PLXNA2: variants seen among roughly 807,000 people sequenced by gnomAD.
PLXNA2 encodes the protein plexin-A2.
PLXNA2 carries 91 observed loss-of-function variants against 193.5 expected under a neutral mutation model. That is an observed-to-expected ratio of 0.47 (90% confidence interval 0.40 to 0.56). PLXNA2 has a LOEUF of 0.56. Among genes scored for constraint, PLXNA2 ranks in the 20% least tolerant of loss-of-function variants. PLXNA2 has a pLI of 0.00. For synonymous variants in PLXNA2, 997 were observed against 1,027.3 expected (o/e 0.97, Z 0.56); for missense variants, 1,995 against 2,503.2 (o/e 0.80, Z 4.33).
At chr1:208,041,943 T>C (rs1047376588) in intron 22 of PLXNA2, among the ~76,000 whole-genome samples, 155 bp downstream of exon 22, 3 of 152,224 alleles carry the variant, frequency 2.0e-5, no homozygotes, top group African/African-American at 7.2e-5. Flanking sequence ...AGTCAGATTC[T>C]GCCCTGCAGA....
intron 3 of PLXNA2, among the ~76,000 whole-genome samples, chr1:208,201,450 C>T (rs546747386): frequency 6.6e-6 from 1 of 152,264 alleles, no homozygotes; most frequent in Admixed American, 6.5e-5. Context: ...TAGATTAGTT[C>T]GGCTCAGCTG....
Position 208,216,834 on chromosome 1 carries a change from G to A in PLXNA2, c.1089C>T (p.Ile363=). 6.2e-7 allele frequency: 1 copy of A among 1,614,226 alleles called. No homozygotes were observed. Among genetic ancestry groups the A allele is most frequent in the Middle Eastern group, 1.6e-4 (1 of 6,062 alleles). ...GCAGGCGCTCCTTGATCTGCAAGTT[G>A]ATGGCCCGGATAGGGAAGGCACACA... ...SALCAFPIRA[I]NLQIKERLQS... Residue 363 remains isoleucine (I), a synonymous_variant, in exon 2 of 32, where the codon ATC becomes ATT. Transcript: ENST00000367033.
At chr1:208,062,399 T>C (rs1213708308) in intron 12 of PLXNA2, among the ~76,000 whole-genome samples, 2 of 152,202 alleles carry the variant, frequency 1.3e-5, no homozygotes, top group African/African-American at 2.4e-5. Context: ...CAAGTGATAG[T>C]GAGCAGAGAA....
intron 17 of PLXNA2, among the ~76,000 whole-genome samples, chr1:208,046,330 G>A (rs1012415882): frequency 6.6e-6 from 1 of 152,144 alleles, no homozygotes; most frequent in African/African-American, 2.4e-5. Context: ...ATTCACCAAC[G>A]CTATTTGGGC....
At chr1:208,235,012 G>A (rs1351907489) in intron 1 of PLXNA2, among the ~76,000 whole-genome samples, 1 of 152,174 alleles carries the variant, frequency 6.6e-6, no homozygotes, top group Non-Finnish European at 1.5e-5. Flanking sequence ...AGATACCCAT[G>A]AGCTCTGCGT....
chr1:208,158,847 C>A (rs1669016699), intron 3 of PLXNA2, among the ~76,000 whole-genome samples: 1 of 152,202 alleles, frequency 6.6e-6, no homozygotes, highest in Non-Finnish European at 1.5e-5. Flanking sequence ...CTGACCCTGT[C>A]GGGTTCTCCA....
intron 4 of PLXNA2, among the ~76,000 whole-genome samples, chr1:208,141,525 C>T (rs1221623737): frequency 6.6e-6 from 1 of 152,144 alleles, no homozygotes; most frequent in East Asian, 1.9e-4. Context: ...TTTACTTACC[C>T]TGTTAAGAAA....
In PLXNA2 at chr1:208,142,457, C is replaced by A. The variant is rs774717549; in HGVS notation, c.1378G>T (p.Ala460Ser). 13 of 1,605,384 alleles carry A rather than the reference C, an allele frequency of 8.1e-6. No individual in the cohort carries two copies. The highest frequency in any genetic ancestry group is 9.3e-6 in the Non-Finnish European group (11 of 1,176,758). The part of the protein sequence containing the change: ...TKSGKLKKIR[A>S]DGPPHGGVQY... ...ACCCCACCATGGGGGGGACCGTCGG[C>A]CCGAATCTGTATGAGAAACAAGGGT... The change falls in exon 4 of 32, where the codon GCC becomes TCC. Residue 460 changes from alanine to serine, a missense_variant. By Grantham distance (99) the Ala-to-Ser change is moderately conservative. Coordinates refer to ENST00000367033, the MANE Select transcript of PLXNA2 (RefSeq NM_025179.4).
At chr1:208,113,465 C>T (rs1242615632) in intron 4 of PLXNA2, among the ~76,000 whole-genome samples, 4 of 151,796 alleles carry the variant, frequency 2.6e-5, no homozygotes, top group Non-Finnish European at 5.9e-5. Context: ...CTTTTGATTT[C>T]TACTTCCCTT....
intron 3 of PLXNA2, among the ~76,000 whole-genome samples, chr1:208,203,380 G>A (rs754274731): frequency 8.5e-5 from 13 of 152,190 alleles, no homozygotes; most frequent in South Asian, 2.1e-4. Flanking sequence ...TTGCTGAGAC[G>A]CCTGGGCGAG....
intron 12 of PLXNA2, among the ~76,000 whole-genome samples, chr1:208,073,766 T>TA (rs199497854): frequency 0.011 from 1,592 of 146,280 alleles, 24 homozygotes; most frequent in African/African-American, 0.036. Context: ...GGTCTTTATT[T>TA]AAAAAAAAAA....
intron 22 of PLXNA2, among the ~76,000 whole-genome samples, chr1:208,041,549 CT>C (rs1474857246): frequency 2.0e-5 from 3 of 152,228 alleles, no homozygotes; most frequent in African/African-American, 4.8e-5. Context: ...GGAATGTTCT[CT>C]ATCTGTGCGG....
chr1:208,164,118 G>C (rs1669220105), intron 3 of PLXNA2, among the ~76,000 whole-genome samples: 1 of 152,242 alleles, frequency 6.6e-6, no homozygotes, highest in African/African-American at 2.4e-5. Flanking sequence ...GACCTTAGCA[G>C]GAAGGGGCTG....
At position 208,028,976 on chromosome 1, in the gene PLXNA2, G is replaced by T; in HGVS notation, c.5292C>A (p.Gly1764=). 1 of 1,614,118 alleles carries T rather than the reference G, an allele frequency of 6.2e-7. No individual in the cohort carries two copies. Among genetic ancestry groups the T allele is most frequent in the Non-Finnish European group, 8.5e-7 (1 of 1,180,010 alleles). ...CAGAGAGGCAGGCGTCCGTGATGCT[G>T]CCCTTGTGGATGTCAAACACGAACT... ...NPQFVFDIHK[G]SITDACLSVV... Residue 1764 remains glycine (G), a synonymous_variant, in exon 30 of 32, where the codon GGC becomes GGA. Transcript: ENST00000367033. This position sits in a 1 kb window ranked among gnomAD's most constrained non-coding sequence, Gnocchi z 4.2.
At position 208,216,797 on chromosome 1, in the gene PLXNA2, G is replaced by A. The variant is rs1205814402; in HGVS notation, c.1126C>T (p.Gln376Ter). The A allele has an allele frequency of 6.2e-7, 1 of 1,613,994 alleles. No individual in the cohort carries two copies. The highest frequency in any genetic ancestry group is 8.5e-7 in the Non-Finnish European group (1 of 1,180,036). ...QIKERLQSCY[Q>*]GEGNLELNWL... ...TTGAGCTCCAGGTTGCCCTCGCCCT[G>A]GTAGCAGGACTGCAGGCGCTCCTTG... Residue 376 changes from glutamine (Q) to a stop codon, truncating the protein, a stop_gained, in exon 2 of 32, where the codon CAG becomes TAG. Transcript: ENST00000367033. LOFTEE classifies it high-confidence loss of function.
At chr1:208,167,250 G>A (rs1669338548) in intron 3 of PLXNA2, among the ~76,000 whole-genome samples, 1 of 152,150 alleles carries the variant, frequency 6.6e-6, no homozygotes, top group African/African-American at 2.4e-5. Context: ...GAGAGGAACA[G>A]GAAGGGAGAA....
Position 208,210,285 on chromosome 1 carries a change from T to C in PLXNA2, c.1366A>G (p.Lys456Glu). Residue 456 changes from lysine to glutamate, a missense_variant, in exon 3 of 32, where the codon AAA becomes GAA. This residue lies in a region of PLXNA2 where 702 missense variants were observed against 812.9 expected (regional missense o/e 0.86). Coordinates refer to ENST00000367033, the MANE Select transcript of PLXNA2 (RefSeq NM_025179.4). Reference protein sequence around the residue: ...VFVGTKSGKLKKIRADGPPHG... With the variant: ...VFVGTKSGKLEKIRADGPPHG... ...CTGAACTCATAGACTCTTACCTTTT[T>C]CAGCTTGCCACTCTTAGTCCCCACA... 1.2e-6 allele frequency: 2 copies of C among 1,613,900 alleles called. No homozygotes were observed. Among genetic ancestry groups the C allele is most frequent in the Non-Finnish European group, 1.7e-6 (2 of 1,180,020 alleles).
chr1:208,219,153 A>G (rs905143921), intron 1 of PLXNA2, among the ~76,000 whole-genome samples: 1 of 152,142 alleles, frequency 6.6e-6, no homozygotes, highest in Non-Finnish European at 1.5e-5. Flanking sequence ...CCCAGGCTTT[A>G]AGGCTCCTCC....
intron 4 of PLXNA2, among the ~76,000 whole-genome samples, chr1:208,119,903 C>T (rs544022013): frequency 6.6e-6 from 1 of 152,344 alleles, no homozygotes; most frequent in East Asian, 1.9e-4. Context: ...CATGAGCCAC[C>T]GCACCTGGCC....
Sources: gnomAD v4.1 joint callset for allele counts (sites outside exome capture counted in the v4.1 genomes callset) on GRCh38, gnomAD v4.1.1 for gene constraint, gnomAD v4.1.1 regional missense constraint, Gnocchi (gnomAD v3.1) non-coding constraint, MANE v1.5 for transcripts, NCBI Gene and HGNC (gene_info 2026-07-23, HGNC 2026-07-21) for gene names.